PRKN: variants seen among roughly 807,000 people sequenced by gnomAD.
PRKN encodes parkin RBR E3 ubiquitin protein ligase, also known as E3 ubiquitin-protein ligase parkin.
Under a neutral mutation model 59.5 loss-of-function variants are expected in PRKN, and 56 were observed. The ratio of observed to expected loss-of-function variants is 0.94; its 90% CI spans 0.76 to 1.18. The LOEUF (loss-of-function observed/expected upper bound fraction) is 1.18, where lower values mean the gene tolerates loss of function less well. Ranked by LOEUF, PRKN falls within the 50% of genes most tolerant of loss-of-function variation. PRKN has a pLI of 0.00. For synonymous variants in PRKN, 250 were observed against 222.1 expected (o/e 1.13, Z -1.12); for missense variants, 657 against 596.4 (o/e 1.10, Z -1.06).
intron 4 of PRKN, among the ~76,000 whole-genome samples, chr6:162,103,697 G>A (rs1217295237): frequency 2.0e-5 from 3 of 152,060 alleles, no homozygotes; most frequent in Non-Finnish European, 4.4e-5. Context: ...CTAGCACTCA[G>A]AGGAACGCCA....
At chr6:161,709,243 A>C (rs1786640477) in intron 7 of PRKN, among the ~76,000 whole-genome samples, 1 of 152,204 alleles carries the variant, frequency 6.6e-6, no homozygotes, top group Non-Finnish European at 1.5e-5. Flanking sequence ...CTGCTTTCTG[A>C]GAATAATTTA....
intron 4 of PRKN, among the ~76,000 whole-genome samples, chr6:162,061,269 T>C (rs1778091692): frequency 6.6e-6 from 1 of 152,144 alleles, no homozygotes; most frequent in African/African-American, 2.4e-5. Flanking sequence ...AACAACACTG[T>C]GCAAAGGCAA....
intron 1 of PRKN, among the ~76,000 whole-genome samples, chr6:162,498,298 C>G (rs1793165422): frequency 6.6e-6 from 1 of 151,584 alleles, no homozygotes; most frequent in Non-Finnish European, 1.5e-5. Context: ...GGAGCTTTGT[C>G]CTGTCCTTCC....
intron 5 of PRKN, among the ~76,000 whole-genome samples, chr6:162,017,872 C>A (rs2128273741): frequency 6.7e-6 from 1 of 150,188 alleles, no homozygotes; most frequent in East Asian, 2.0e-4. Flanking sequence ...TAAAATAAAC[C>A]AATACCAAGC....
chr6:162,687,431 G>A (rs370207079), intron 1 of PRKN, among the ~76,000 whole-genome samples: 64 of 151,884 alleles, frequency 4.2e-4, no homozygotes, highest in Non-Finnish European at 5.3e-4. Context: ...TGATCCACCC[G>A]CCTTGGCCTC....
intron 6 of PRKN, among the ~76,000 whole-genome samples, chr6:161,792,598 C>G (rs1790682420): frequency 6.6e-6 from 1 of 152,162 alleles, no homozygotes; most frequent in African/African-American, 2.4e-5. Context: ...GAAATAAAAA[C>G]TAAATTTCCT....
At chr6:162,694,689 T>C (rs945780360) in intron 1 of PRKN, 8 of 152,238 alleles carry the variant, frequency 5.3e-5, no homozygotes, top group Admixed American at 5.2e-4. Context: ...CAGTAACTGA[T>C]AAAGAACTGT....
chr6:162,709,400 G>A (rs1192515654), intron 1 of PRKN, among the ~76,000 whole-genome samples: 1 of 150,792 alleles, frequency 6.6e-6, no homozygotes, highest in African/African-American at 2.4e-5. Context: ...TTAATAACCT[G>A]GGCTACTTCT....
chr6:162,398,448 T>C (rs1189078207), intron 2 of PRKN, among the ~76,000 whole-genome samples: 1 of 152,070 alleles, frequency 6.6e-6, no homozygotes, highest in Non-Finnish European at 1.5e-5. Context: ...TGGAGTGCAA[T>C]GGCACAATCT....
At chr6:162,162,304 A>T (rs9365377) in intron 4 of PRKN, among the ~76,000 whole-genome samples, 64,564 of 152,074 alleles carry the variant, frequency 0.42, 16,705 homozygotes, top group Non-Finnish European at 0.58. Flanking sequence ...TAATCCAGAG[A>T]TGATGTAAAA....
chr6:161,661,236 G>A (rs568278401), intron 7 of PRKN, among the ~76,000 whole-genome samples: 3 of 152,230 alleles, frequency 2.0e-5, no homozygotes, highest in South Asian at 4.1e-4. Context: ...AGACCCTCAC[G>A]GAGTCTGACA....
At chr6:161,794,950 T>C (rs1477949618) in intron 6 of PRKN, among the ~76,000 whole-genome samples, 2 of 152,122 alleles carry the variant, frequency 1.3e-5, no homozygotes, top group African/African-American at 2.4e-5. Context: ...AGTGGCGCGA[T>C]CTCAGCTCAC....
intron 2 of PRKN, among the ~76,000 whole-genome samples, chr6:162,320,409 CAAAAAAAACCAAAAAA>C (rs1782962764): frequency 5.7e-5 from 1 of 17,586 alleles, no homozygotes; most frequent in African/African-American, 3.0e-4. Flanking sequence ...ATCAAACAAG[CAAAAAAAACCAAAAAA>C]AAAAAAAACC....
chr6:161,592,316 G>C lies in PRKN; in HGVS notation c.872-22900C>G, dbSNP rs780963224. 5.3e-5 allele frequency among the ~76,000 whole-genome samples: 8 copies of C among 152,114 alleles called. No individual in the cohort carries two copies. The highest frequency in any genetic ancestry group is 1.2e-4 in the Non-Finnish European group (8 of 68,028). On this transcript the variant is annotated intron_variant, in intron 7 of 11. Coordinates refer to ENST00000366898, the MANE Select transcript of PRKN (RefSeq NM_004562.3). The surrounding 1 kb of genome is among the most constrained non-coding windows in gnomAD (Gnocchi z 4.8). ...TGCAGAAACGAATTTCTACCTTAAA[G>C]ACTGAGGAGCAAAATATAAGGAGAC...
At chr6:162,031,224 T>G (rs1268654328) in intron 5 of PRKN, among the ~76,000 whole-genome samples, 1 of 151,990 alleles carries the variant, frequency 6.6e-6, no homozygotes, top group African/African-American at 2.4e-5. Flanking sequence ...GCACACACCT[T>G]TCCAAGGGCA....
intron 3 of PRKN, among the ~76,000 whole-genome samples, chr6:162,239,010 G>A (rs779794286): frequency 2.0e-5 from 3 of 152,098 alleles, no homozygotes; most frequent in Non-Finnish European, 2.9e-5. Flanking sequence ...AAAATGAAGC[G>A]CACAAGTATC....
At chr6:161,871,594 G>C (rs940236823) in intron 6 of PRKN, among the ~76,000 whole-genome samples, 1 of 152,200 alleles carries the variant, frequency 6.6e-6, no homozygotes, top group African/African-American at 2.4e-5. Context: ...CTTTGCAGCA[G>C]AGGGAACTGG....
At chr6:161,874,616 AAT>A (rs1433878372) in intron 6 of PRKN, among the ~76,000 whole-genome samples, 2 of 104,952 alleles carry the variant, frequency 1.9e-5, no homozygotes, top group African/African-American at 9.5e-5. Flanking sequence ...TATTACATAT[AAT>A]ATGTGTAATA....
At chr6:162,515,984 T>C (rs1777837106) in intron 1 of PRKN, among the ~76,000 whole-genome samples, 1 of 152,192 alleles carries the variant, frequency 6.6e-6, no homozygotes, top group African/African-American at 2.4e-5. Flanking sequence ...TTGGTACCAC[T>C]TGTTCCTGCG....
Sources: gnomAD v4.1 joint callset for allele counts (sites outside exome capture counted in the v4.1 genomes callset) on GRCh38, gnomAD v4.1.1 for gene constraint, Gnocchi (gnomAD v3.1) non-coding constraint, MANE v1.5 for transcripts, NCBI Gene and HGNC (gene_info 2026-07-23, HGNC 2026-07-21) for gene names.